TENM2: variants seen among roughly 807,000 people sequenced by gnomAD.
The protein encoded by TENM2 is teneurin-2.
In TENM2, 52 loss-of-function variants were observed where a neutral mutation model predicts 245.2. The ratio of observed to expected loss-of-function variants is 0.21; its 90% CI spans 0.17 to 0.27. The LOEUF (loss-of-function observed/expected upper bound fraction) is 0.27. TENM2 is among the 10% of genes least tolerant of loss of function. The pLI, the probability that TENM2 is intolerant of heterozygous loss-of-function variation, is 1.00. For missense variants in TENM2, 3,046 were observed against 3,666.8 expected (o/e 0.83, Z 4.37); for synonymous variants, 1,363 against 1,438.9 (o/e 0.95, Z 1.19).
intron 2 of TENM2, among the ~76,000 whole-genome samples, chr5:167,575,070 C>G (rs1774546964): frequency 6.7e-6 from 1 of 149,028 alleles, no homozygotes; most frequent in South Asian, 2.1e-4. Flanking sequence ...TTCATTGCTT[C>G]TGCTGCTAAA....
intron 4 of TENM2, among the ~76,000 whole-genome samples, chr5:167,964,125 C>T (rs1781214895): frequency 6.6e-6 from 1 of 152,192 alleles, no homozygotes; most frequent in South Asian, 2.1e-4. Flanking sequence ...ACTTGCAATT[C>T]TTGTTCAATA....
chr5:167,631,309 G>T (rs896656564), intron 2 of TENM2, among the ~76,000 whole-genome samples: 1 of 152,160 alleles, frequency 6.6e-6, no homozygotes, highest in African/African-American at 2.4e-5. Context: ...GATGGTCTGG[G>T]TACAGCACAC....
At chr5:167,795,475 T>C (rs1757333777) in intron 2 of TENM2, among the ~76,000 whole-genome samples, 1 of 152,084 alleles carries the variant, frequency 6.6e-6, no homozygotes, top group African/African-American at 2.4e-5. Flanking sequence ...GAAAAGATGT[T>C]AAGGGAGAAA....
chr5:167,155,897 G>A, the TENM2 span, among the ~76,000 whole-genome samples: 3 of 152,182 alleles, frequency 2.0e-5, no homozygotes, highest in African/African-American at 7.2e-5. Context: ...TCTCAGGCGC[G>A]CTCTCTTCTT....
chr5:167,310,404 A>T (rs1755957407), intron 1 of TENM2, among the ~76,000 whole-genome samples: 2 of 152,216 alleles, frequency 1.3e-5, no homozygotes, highest in African/African-American at 4.8e-5. Flanking sequence ...ATTTGTAGAA[A>T]GTCCTCCTTA....
At chr5:167,231,408 C>T in the TENM2 span, among the ~76,000 whole-genome samples, 196 of 152,156 alleles carry the variant, frequency 1.3e-3, no homozygotes, top group Non-Finnish European at 2.5e-3. Context: ...GATGGTCTCA[C>T]ATGGAAATAA....
chr5:167,147,385 G>A, the TENM2 span, among the ~76,000 whole-genome samples: 1 of 152,130 alleles, frequency 6.6e-6, no homozygotes, highest in Non-Finnish European at 1.5e-5. Context: ...CTCTGATGAT[G>A]ATTTTTTGTG....
chr5:167,737,994 C>T lies in TENM2; in HGVS notation c.503-137992C>T, dbSNP rs530701445. On this transcript the variant is annotated intron_variant, in intron 2 of 28. Transcript: ENST00000518659. ...GCTAACTTGGCCTCAGCTGTCATGG[C>T]TGTGTTGTTAATCAACCCTTCCATG... Among the ~76,000 whole-genome samples the T allele has an allele frequency of 2.6e-5, 4 of 152,362 alleles. No homozygotes were observed. The East Asian group carries it at 7.7e-4, about 29-fold the overall frequency.
chr5:168,256,103 T>C (rs1279582208), intron 27 of TENM2, among the ~76,000 whole-genome samples: 1 of 151,930 alleles, frequency 6.6e-6, no homozygotes, highest in Non-Finnish European at 1.5e-5. Flanking sequence ...CGCGCCTGGC[T>C]AGAATTTATT....
chr5:167,797,575 T>A (rs963184), intron 2 of TENM2, among the ~76,000 whole-genome samples: 150,089 of 152,322 alleles, frequency 0.99, 73,978 homozygotes, highest in Middle Eastern at 1. Flanking sequence ...TTGTATTTCT[T>A]TCGCAATGTG....
chr5:167,680,927 C>CT (rs1756665754), intron 2 of TENM2, among the ~76,000 whole-genome samples: 1 of 151,448 alleles, frequency 6.6e-6, no homozygotes, highest in African/African-American at 2.4e-5. Flanking sequence ...GTGTCATAAA[C>CT]TTGAATGATG....
intron 5 of TENM2, among the ~76,000 whole-genome samples, chr5:167,996,389 C>T (rs535144654): frequency 3.3e-5 from 5 of 152,278 alleles, no homozygotes; most frequent in African/African-American, 1.2e-4. Flanking sequence ...CTCTGGAAAG[C>T]TGAATAAACC....
At chr5:167,824,478 T>A (rs911228396) in intron 2 of TENM2, among the ~76,000 whole-genome samples, 5 of 152,154 alleles carry the variant, frequency 3.3e-5, no homozygotes, top group Non-Finnish European at 5.9e-5. Context: ...GCAGTTTTTT[T>A]AAGAGAACTG....
At chr5:167,277,219 CT>C in the TENM2 span, among the ~76,000 whole-genome samples, 12,531 of 151,804 alleles carry the variant, frequency 0.083, 732 homozygotes, top group East Asian at 0.18. Context: ...TGATTTGAGG[CT>C]TTTTCTGTTG....
chr5:167,329,871 A>G (rs550050797), intron 1 of TENM2, among the ~76,000 whole-genome samples: 1 of 152,120 alleles, frequency 6.6e-6, no homozygotes, highest in Non-Finnish European at 1.5e-5. Context: ...TTAGTTTTTC[A>G]TATCCCTAAT....
chr5:168,193,890 C>T (rs1005749710), intron 14 of TENM2, among the ~76,000 whole-genome samples: 2 of 152,118 alleles, frequency 1.3e-5, no homozygotes, highest in African/African-American at 4.8e-5. Flanking sequence ...TTAAAACCAG[C>T]TAAAAATGGC....
At chr5:167,337,148 A>T (rs1478649291) in intron 1 of TENM2, among the ~76,000 whole-genome samples, 1 of 151,044 alleles carries the variant, frequency 6.6e-6, no homozygotes, top group African/African-American at 2.4e-5. Context: ...AAAAAAAAAA[A>T]AAAAATCAAA....
intron 2 of TENM2, among the ~76,000 whole-genome samples, chr5:167,384,787 G>C (rs762552588): frequency 3.3e-5 from 5 of 152,316 alleles, no homozygotes; most frequent in Admixed American, 1.3e-4. Context: ...CAGTAGTCCA[G>C]GTAGAAGGAC....
At chr5:167,995,945 TAAGG>T (rs1327819177) in intron 5 of TENM2, among the ~76,000 whole-genome samples, 3 of 152,068 alleles carry the variant, frequency 2.0e-5, no homozygotes. Flanking sequence ...CCGGCGCTTT[TAAGG>T]GCTGAGTCCA....
Sources: gnomAD v4.1 joint callset for allele counts (sites outside exome capture counted in the v4.1 genomes callset) on GRCh38, gnomAD v4.1.1 for gene constraint, MANE v1.5 for transcripts, NCBI Gene and HGNC (gene_info 2026-07-23, HGNC 2026-07-21) for gene names.